AOX1: variants seen among roughly 807,000 people sequenced by gnomAD.
AOX1 encodes aldehyde oxidase.
In AOX1, 153 loss-of-function variants were observed where a neutral mutation model predicts 169.5. That is an observed-to-expected ratio of 0.90 (90% CI 0.79 to 1.03). The LOEUF is 1.03. Ranked by LOEUF, AOX1 falls within the 50% of genes least tolerant of loss-of-function variation. The pLI, the probability that AOX1 is intolerant of heterozygous loss-of-function variation, is 0.00. For synonymous variants in AOX1, 562 were observed against 581.9 expected, an observed-to-expected ratio of 0.97 and a Z score of 0.49; for missense variants, 1,656 against 1,663.9, an observed-to-expected ratio of 1.00 and a Z score of 0.08.
At chr2:200,586,802 G>A (rs954918338) in intron 1 of AOX1, among the ~76,000 whole-genome samples, 20 of 152,232 alleles carry the variant, frequency 1.3e-4, no homozygotes, top group African/African-American at 4.8e-4. Context: ...CAGAAGCTGG[G>A]CTCGCTCTGC....
chr2:200,599,796 A>ATTTT, intron 5 of AOX1, 50 bp downstream of exon 5: 1 of 1,305,806 alleles, frequency 7.7e-7, no homozygotes, highest in Non-Finnish European at 9.9e-7. Flanking sequence ...TTATTTATTT[A>ATTTT]TTTTTTGAGA....
intron 16 of AOX1, among the ~76,000 whole-genome samples, chr2:200,620,200 T>TG (rs2034853561): frequency 2.5e-5 from 1 of 40,378 alleles, no homozygotes; most frequent in African/African-American, 7.0e-5. Flanking sequence ...TAATAGTGAC[T>TG]TTTTTTTTTT....
chr2:200,613,531 C>G (rs968620644), intron 14 of AOX1, among the ~76,000 whole-genome samples: 1 of 152,116 alleles, frequency 6.6e-6, no homozygotes, highest in Non-Finnish European at 1.5e-5. Flanking sequence ...GGGTCAGTTA[C>G]TCCTGGACTG....
At chr2:200,650,583 G>A (rs1478924660) in intron 25 of AOX1, among the ~76,000 whole-genome samples, 1 of 152,186 alleles carries the variant, frequency 6.6e-6, no homozygotes, top group Non-Finnish European at 1.5e-5. Context: ...TTGGAGGTGA[G>A]TAGTCTTATC....
In AOX1 at chr2:200,662,940, G is replaced by C; in HGVS notation, c.3514G>C (p.Glu1172Gln). Reference sequence around the variant, plus strand: ...TTATGGAGCTGCCTGTTCCGAGGTTGAAATAGACTGCCTGACGGGGGATCA... The same window carrying C: ...TTATGGAGCTGCCTGTTCCGAGGTTCAAATAGACTGCCTGACGGGGGATCA... ...FVYGAACSEVEIDCLTGDHKN... is the reference protein window; with the variant it reads ...FVYGAACSEVQIDCLTGDHKN... The change falls in exon 31 of 35, where the codon GAA (glutamate) becomes CAA (glutamine). Residue 1172 changes from glutamate (E) to glutamine (Q), a missense_variant. Transcript: ENST00000374700. 1 of 1,614,098 alleles carries C rather than the reference G, an allele frequency of 6.2e-7. No homozygotes were observed. The highest frequency in any genetic ancestry group is 8.5e-7 in the Non-Finnish European group (1 of 1,179,944).
At chr2:200,618,730 C>A (rs2034820463) in intron 16 of AOX1, among the ~76,000 whole-genome samples, 2 of 152,126 alleles carry the variant, frequency 1.3e-5, no homozygotes, top group South Asian at 4.1e-4. Context: ...GTTCCTGGAG[C>A]AGCAGAGGGC....
chr2:200,668,164 G>A (rs1326516070), intron 32 of AOX1, among the ~76,000 whole-genome samples: 2 of 150,768 alleles, frequency 1.3e-5, no homozygotes, highest in Non-Finnish European at 2.9e-5. Context: ...GGAGTGCAAT[G>A]GTGCAATCTC....
rs1266409980 is a variant in AOX1, at chr2:200,656,765, A to G, written c.3076-77A>G. 5 of 1,097,570 alleles carry G rather than the reference A, an allele frequency of 4.6e-6. No individual in the cohort carries two copies. In the East Asian group the frequency reaches 1.1e-4, roughly 25 times the overall value. 68.0% of individuals were successfully genotyped at this position (1,097,570 alleles called of 1,614,324 possible). ...GGATTCTTGGAGGGAAATATTTCCA[A>G]GGAAAATGTTTTAATTGACACGATA... On this transcript the variant is annotated intron_variant, in intron 26 of 34. Transcript: ENST00000374700.
chr2:200,596,584 G>A (rs1204739366), intron 3 of AOX1, among the ~76,000 whole-genome samples: 1 of 152,214 alleles, frequency 6.6e-6, no homozygotes, highest in East Asian at 1.9e-4. Flanking sequence ...TGAATCTGTT[G>A]TTATCAGCCC....
intron 3 of AOX1, 65 bp from the exon 4 acceptor site, chr2:200,597,332 C>A: frequency 8.5e-7 from 1 of 1,173,984 alleles, no homozygotes. Flanking sequence ...TCAGTGAATG[C>A]CTGGCCCCTT....
At chr2:200,645,444 T>A (rs1195137816) in intron 25 of AOX1, among the ~76,000 whole-genome samples, 2 of 152,228 alleles carry the variant, frequency 1.3e-5, no homozygotes, top group Non-Finnish European at 2.9e-5. Flanking sequence ...GGATTATGTT[T>A]TTCATATGTT....
chr2:200,658,800 T>C (rs1186298205), intron 27 of AOX1, among the ~76,000 whole-genome samples: 1 of 152,160 alleles, frequency 6.6e-6, no homozygotes, highest in East Asian at 1.9e-4. Flanking sequence ...TCTCCTATCA[T>C]TGATAAGGTT....
intron 18 of AOX1, among the ~76,000 whole-genome samples, chr2:200,623,496 C>T (rs2034930522): frequency 1.3e-5 from 2 of 152,246 alleles, no homozygotes. Flanking sequence ...CCTCCCTGTC[C>T]GTGCAGGCAG....
At chr2:200,635,160 C>A (rs1442836010) in intron 21 of AOX1, among the ~76,000 whole-genome samples, 1 of 152,000 alleles carries the variant, frequency 6.6e-6, no homozygotes, top group East Asian at 1.9e-4. Flanking sequence ...TCTTCAGGGA[C>A]TGAAGAAATA....
chr2:200,669,883 C>A, intron 34 of AOX1, 141 bp downstream of exon 34: 3 of 845,568 alleles, frequency 3.5e-6, no homozygotes, highest in Non-Finnish European at 5.4e-6. Context: ...GGCATTTGAG[C>A]AGATGTGCAG....
Position 200,668,804 on chromosome 2 carries a change from G to A in AOX1, c.3798+1G>A. ...CTCAAATACTCTTTATTCATCTAAGGTAAGTAATGTTCTATGGGTAAATAT... is the reference window on the plus strand; with the variant it reads ...CTCAAATACTCTTTATTCATCTAAGATAAGTAATGTTCTATGGGTAAATAT... On this transcript the variant is annotated splice_donor_variant, in intron 33 of 34. Coordinates refer to ENST00000374700, the MANE Select transcript of AOX1 (RefSeq NM_001159.4). LOFTEE classifies it high-confidence loss of function. The A allele has an allele frequency of 6.2e-7, 1 of 1,613,350 alleles. No homozygotes were observed. The highest frequency in any genetic ancestry group is 2.2e-5 in the East Asian group (1 of 44,866).
chr2:200,612,657 C>G lies in AOX1; in HGVS notation c.1312C>G (p.Leu438Val), dbSNP rs752328961. ...ACAAGCCCAGCGACAGGAGAATGCG[C>G]TAGCGATAGTCAATTCAGGAATGAG... ...FRQAQRQENA[L>V]AIVNSGMRVF... The change falls in exon 14 of 35, where the codon CTA becomes GTA. Residue 438 changes from leucine (L) to valine (V), a missense_variant. By Grantham distance (32) the Leu-to-Val change is conservative. Coordinates refer to ENST00000374700, the MANE Select transcript of AOX1 (RefSeq NM_001159.4). 6.2e-7 allele frequency: 1 copy of G among 1,614,086 alleles called. No individual in the cohort carries two copies. The highest frequency in any genetic ancestry group is 1.7e-5 in the Admixed American group (1 of 60,006).
chr2:200,633,371 G>A (rs2035166942), intron 20 of AOX1, among the ~76,000 whole-genome samples: 1 of 151,922 alleles, frequency 6.6e-6, no homozygotes, highest in Non-Finnish European at 1.5e-5. Context: ...GGTTCCTGAG[G>A]TGCTGTTCAT....
At chr2:200,605,675 T>C in intron 10 of AOX1, 47 bp downstream of exon 10, 1 of 879,828 alleles carries the variant, frequency 1.1e-6, no homozygotes, top group Non-Finnish European at 1.7e-6. Context: ...CATTAATCAA[T>C]TTATTTACCT....
Sources: allele counts gnomAD v4.1 joint callset (sites outside exome capture counted in the v4.1 genomes callset), GRCh38; gene constraint gnomAD v4.1.1; transcripts MANE v1.5; gene names NCBI Gene and HGNC (gene_info 2026-07-23, HGNC 2026-07-21).